The following TSBP1 variants were observed in gnomAD, a reference collection of about 807,000 sequenced individuals.
The protein encoded by TSBP1 is testis-expressed basic protein 1.
In TSBP1, 56 loss-of-function variants were observed where a neutral mutation model predicts 68.8. That is an observed-to-expected ratio of 0.81 (90% CI 0.66 to 1.02). The LOEUF (loss-of-function observed/expected upper bound fraction) is 1.02, where lower values mean the gene tolerates loss of function less well. Among genes scored for constraint, TSBP1 ranks in the 50% least tolerant of loss-of-function variants. The pLI is 0.00. For synonymous variants in TSBP1, 171 were observed against 208.7 expected, an observed-to-expected ratio of 0.82 and a Z score of 1.56; for missense variants, 502 against 641.2, an observed-to-expected ratio of 0.78 and a Z score of 2.34.
Position 32,300,661 on chromosome 6 carries a change from G to A in TSBP1, c.622+19C>T. ...CTAGGCACAGAAATAGGTAAGGCAA[G>A]GAAATGATCCAAACTTACTGATTTT... On this transcript the variant is annotated intron_variant, in intron 21 of 22. Transcript: ENST00000612031. The A allele has an allele frequency of 6.2e-7, 1 of 1,611,768 alleles. No individual in the cohort carries two copies. Among genetic ancestry groups the A allele is most frequent in the South Asian group, 1.1e-5 (1 of 91,058 alleles).
intron 22 of TSBP1, 28 bp downstream of exon 25, chr6:32,299,894 C>T: frequency 6.4e-7 from 1 of 1,573,428 alleles, no homozygotes; most frequent in Non-Finnish European, 8.7e-7. Flanking sequence ...TGTAAAATAT[C>T]AGAGTTGAGA....
Position 32,325,703 on chromosome 6 carries a change from GTCAT to G in TSBP1, c.515-2093_515-2090del. 1 of 1,072,134 alleles carries G rather than the reference GTCAT, an allele frequency of 9.3e-7. No individual in the cohort carries two copies. The highest frequency in any genetic ancestry group is 1.4e-6 in the Non-Finnish European group (1 of 701,156). The allele number at this position is 1,072,134 out of a possible 1,614,324, so 66.4% of individuals were successfully genotyped here. On this transcript the variant is annotated intron_variant, in intron 16 of 22. Transcript: ENST00000612031. This position sits in a 1 kb window ranked among gnomAD's most constrained non-coding sequence, Gnocchi z 4.4. ...TGACCATGACTCCGTGGATAAGACTGTCATTCAGAAATACCACAGTGTGAATGGC... is the reference window on the plus strand; with the variant it reads ...TGACCATGACTCCGTGGATAAGACTGTCAGAAATACCACAGTGTGAATGGC...
chr6:32,308,981 G>A (rs9268189), intron 19 of TSBP1, among the ~76,000 whole-genome samples: 29,202 of 134,602 alleles, frequency 0.22, 3,240 homozygotes, highest in East Asian at 0.23. Flanking sequence ...TTTTTGACAG[G>A]GTCTTGCTCC....
rs905075472 is a variant in TSBP1 at position 32,337,182 on chromosome 6, A to G, written c.410-547T>C. Among the ~76,000 whole-genome samples, 1 of 152,262 alleles carries G rather than the reference A, an allele frequency of 6.6e-6. No homozygotes were observed. Among genetic ancestry groups the G allele is most frequent in the African/African-American group, 2.4e-5 (1 of 41,466 alleles). On this transcript the variant is annotated intron_variant, in intron 11 of 22. Coordinates refer to ENST00000612031, the Ensembl canonical transcript of TSBP1. This position sits in a 1 kb window ranked among gnomAD's most constrained non-coding sequence, Gnocchi z 5.5. ...ATGAGAAAATACTGTTTGCATTTAAATTCTTCCTGGGAAAACATCACAAAT... is the reference window on the plus strand; with the variant it reads ...ATGAGAAAATACTGTTTGCATTTAAGTTCTTCCTGGGAAAACATCACAAAT...
In TSBP1 at chr6:32,293,643, C is replaced by G. The variant is rs376834294; in HGVS notation, c.1030G>C (p.Gly344Arg). 4.3e-6 allele frequency: 7 copies of G among 1,612,856 alleles called. No individual in the cohort carries two copies. In the African/African-American group the frequency reaches 9.3e-5, roughly 22 times the overall value. The change falls in exon 23 of 23, where the codon GGT becomes CGT. Residue 344 changes from glycine to arginine, a missense_variant. Physicochemically the swap from Gly to Arg is moderately radical, Grantham distance 125. Transcript: ENST00000612031. ...TGGGCTTCTTGTCCTTTTGGGACAC[C>G]TGACTCACTCTTCTTTACTTGGGAC...
exon 18 of TSBP1, chr6:32,323,134 G>T: frequency 6.3e-7 from 1 of 1,581,640 alleles, no homozygotes; most frequent in Non-Finnish European, 8.7e-7. Flanking sequence ...TGCCATGGGT[G>T]GACCTAAAAA....
intron 1 of TSBP1, among the ~76,000 whole-genome samples, chr6:32,370,397 A>G (rs1774252768): frequency 1.7e-5 from 2 of 115,078 alleles, no homozygotes; most frequent in Admixed American, 9.6e-5. Flanking sequence ...TTAAAGTTGC[A>G]AGATTTTCTG....
rs1765552002 is a variant in TSBP1, at chr6:32,304,065, G to T, written c.581-1436C>A. Among the ~76,000 whole-genome samples, 1 of 152,036 alleles carries T rather than the reference G, an allele frequency of 6.6e-6. No homozygotes were observed. Among genetic ancestry groups the T allele is most frequent in the Non-Finnish European group, 1.5e-5 (1 of 68,008 alleles). On this transcript the variant is annotated intron_variant, in intron 19 of 22. Transcript: ENST00000612031. This position sits in a 1 kb window ranked among gnomAD's most constrained non-coding sequence, Gnocchi z 4.8. Reference sequence around the variant, plus strand: ...TTGCAACTTAACTCTCTAACCAGAAGAACAAATTGATTTTGGTCCTTTCTA... The same window carrying T: ...TTGCAACTTAACTCTCTAACCAGAATAACAAATTGATTTTGGTCCTTTCTA...
chr6:32,371,337 G>C (rs188271990), intron 1 of TSBP1, among the ~76,000 whole-genome samples: 1 of 152,304 alleles, frequency 6.6e-6, no homozygotes, highest in Admixed American at 6.5e-5. Flanking sequence ...GGGAAAATGA[G>C]AGGAAATCAT....
intron 9 of TSBP1, chr6:32,349,525 T>C (rs1329668610): frequency 2.0e-6 from 1 of 497,310 alleles, no homozygotes; most frequent in Non-Finnish European, 3.5e-6. Context: ...TGGAAATTGC[T>C]CTCTTCATGT....
rs1477004453 is a variant in TSBP1 at position 32,365,337 on chromosome 6, C to T, written c.217+830G>A. 2 of 457,080 alleles carry T rather than the reference C, an allele frequency of 4.4e-6. No homozygotes were observed. The highest frequency in any genetic ancestry group is 8.8e-6 in the Non-Finnish European group (2 of 227,078). 28.3% of individuals were successfully genotyped at this position (457,080 alleles called of 1,614,324 possible). On this transcript the variant is annotated intron_variant, in intron 6 of 22. Coordinates refer to ENST00000612031, the Ensembl canonical transcript of TSBP1. The surrounding 1 kb of genome is among the most constrained non-coding windows in gnomAD (Gnocchi z 4.3). ...TTCCAATCCCACAAAGTCAAACTGA[C>T]TGTGAGATGTTTCCTTTTGTTGTCC...
chr6:32,344,284 C>A (rs1770723686), intron 9 of TSBP1, among the ~76,000 whole-genome samples: 1 of 120,394 alleles, frequency 8.3e-6, no homozygotes, highest in Admixed American at 9.4e-5. Flanking sequence ...CTCCACCCCA[C>A]AACAGTCGAT....
At position 32,330,523 on chromosome 6, in the gene TSBP1, A is replaced by G. The variant is rs1365533286; in HGVS notation, c.514+66T>C. ...ACATCTAGGGCATTTGAGACAGGGA[A>G]CAGGCCCTCTAGACACTGTAGAAGA... On this transcript the variant is annotated intron_variant, in intron 16 of 22. Transcript: ENST00000612031. 4 of 1,466,216 alleles carry G rather than the reference A, an allele frequency of 2.7e-6. No homozygotes were observed. In the African/African-American group the frequency reaches 5.6e-5, roughly 21 times the overall value. The allele number at this position is 1,466,216 out of a possible 1,614,324, so 90.8% of individuals were successfully genotyped here.
At chr6:32,342,312 T>A (rs1209695466) in intron 9 of TSBP1, among the ~76,000 whole-genome samples, 1 of 151,888 alleles carries the variant, frequency 6.6e-6, no homozygotes, top group African/African-American at 2.4e-5. Flanking sequence ...TACAGGAGCA[T>A]ACCACCACGC....
Position 32,321,396 on chromosome 6 carries a change from C to T in TSBP1, c.559+1721G>A, listed in dbSNP as rs1767621341. ...TCTGATGACTTCTCTGAAAAGGACA[C>T]TATGCCTTCAATTTGGATTTTGGCT... is the stretch of plus-strand genomic sequence containing the variant. On this transcript the variant is annotated intron_variant, in intron 18 of 22. Transcript: ENST00000612031. This position sits in a 1 kb window ranked among gnomAD's most constrained non-coding sequence, Gnocchi z 4.3. Among the ~76,000 whole-genome samples the T allele has an allele frequency of 2.0e-5, 3 of 152,176 alleles. No individual in the cohort carries two copies. The highest frequency in any genetic ancestry group is 7.2e-5 in the African/African-American group (3 of 41,436).
intron 16 of TSBP1, chr6:32,326,233 C>T: frequency 2.7e-6 from 3 of 1,101,630 alleles, no homozygotes; most frequent in Middle Eastern, 3.0e-4. Context: ...AGGGAAGCTA[C>T]AGGTTATAAC....
At chr6:32,352,311 G>A (rs781157418) in intron 8 of TSBP1, among the ~76,000 whole-genome samples, 1 of 151,876 alleles carries the variant, frequency 6.6e-6, no homozygotes, top group Non-Finnish European at 1.5e-5. Context: ...AGGGAAGATG[G>A]TCAAATAAAA....
chr6:32,326,318 C>G (rs1414541964), intron 16 of TSBP1: 2 of 640,710 alleles, frequency 3.1e-6, no homozygotes, highest in Non-Finnish European at 5.7e-6. Flanking sequence ...TAGACAAATA[C>G]TCATGTGTAT....
chr6:32,368,005 G>A, intron 3 of TSBP1, 48 bp from the exon 4 acceptor site: 1 of 1,454,612 alleles, frequency 6.9e-7, no homozygotes, highest in Non-Finnish European at 9.6e-7. Context: ...ATTATTAAAT[G>A]AGGCTTTATT....
Sources: allele counts gnomAD v4.1 joint callset (sites outside exome capture counted in the v4.1 genomes callset), GRCh38; gene constraint gnomAD v4.1.1; non-coding constraint Gnocchi (gnomAD v3.1); transcripts MANE v1.5; gene names NCBI Gene and HGNC (gene_info 2026-07-23, HGNC 2026-07-21).